The following CD81 variants were observed in gnomAD, a reference collection of about 807,000 sequenced individuals.
The protein encoded by CD81 is CD81 antigen.
CD81 carries 10 observed loss-of-function variants against 30.1 expected under a neutral mutation model. That is an observed-to-expected ratio of 0.33 (90% CI 0.21 to 0.56). CD81 has a LOEUF of 0.56. CD81 is among the 20% of genes least tolerant of loss of function. The pLI is 0.89. For synonymous variants in CD81, 147 were observed against 126.4 expected (o/e 1.16, Z -1.10); for missense variants, 263 against 308.7 (o/e 0.85, Z 1.11).
chr11:2,386,026 C>G (rs770041914), intron 1 of CD81: 1 of 716,778 alleles, frequency 1.4e-6, no homozygotes, highest in South Asian at 1.5e-5. Context: ...TTTTACAGCC[C>G]CCGTTGTATG....
intron 1 of CD81, chr11:2,385,551 T>C (rs1202513800): frequency 1.1e-5 from 3 of 261,086 alleles, no homozygotes; most frequent in African/African-American, 4.9e-5. Flanking sequence ...CTGTGTGGCA[T>C]GCCTGTCTGT....
At chr11:2,383,137 G>GA (rs1020730739) in intron 1 of CD81, among the ~76,000 whole-genome samples, 1 of 152,226 alleles carries the variant, frequency 6.6e-6, no homozygotes, top group Non-Finnish European at 1.5e-5. Flanking sequence ...TTTAGATGCT[G>GA]AGACAGGCGG....
At chr11:2,388,533 C>G (rs1322176064) in intron 1 of CD81, among the ~76,000 whole-genome samples, 2 of 152,226 alleles carry the variant, frequency 1.3e-5, no homozygotes, top group Non-Finnish European at 2.9e-5. Flanking sequence ...GTCCAGCCCT[C>G]AGTTTCTCTT....
intron 1 of CD81, among the ~76,000 whole-genome samples, chr11:2,389,016 G>C (rs1428494983): frequency 1.3e-5 from 2 of 152,160 alleles, no homozygotes; most frequent in Non-Finnish European, 2.9e-5. Context: ...GGAGCAGCAG[G>C]GGGTAAAGCC....
chr11:2,383,669 G>GGCCCTGCCTGGTGGAC (rs1409125287), intron 1 of CD81, among the ~76,000 whole-genome samples: 3 of 152,162 alleles, frequency 2.0e-5, no homozygotes, highest in Non-Finnish European at 4.4e-5. Flanking sequence ...CCCGCAGCGT[G>GGCCCTGCCTGGTGGAC]GCCCTGCCTG....
chr11:2,396,953 A>G lies in CD81; in HGVS notation c.*87A>G, dbSNP rs1239350293. On this transcript the variant is annotated 3_prime_UTR_variant, in exon 8 of 8. Transcript: ENST00000263645. ...GAGGGGGCCATCACCGCCTGTGTATATAACGTTTCCGGTATTACTCTGCTA... is the reference window on the plus strand; with the variant it reads ...GAGGGGGCCATCACCGCCTGTGTATGTAACGTTTCCGGTATTACTCTGCTA... The G allele has an allele frequency of 6.3e-6, 8 of 1,269,596 alleles. No individual in the cohort carries two copies. The highest frequency in any genetic ancestry group is 7.9e-6 in the Non-Finnish European group (7 of 880,712). 78.6% of individuals were successfully genotyped at this position (1,269,596 alleles called of 1,614,324 possible).
At chr11:2,384,905 C>G (rs1849763954) in intron 1 of CD81, among the ~76,000 whole-genome samples, 1 of 152,148 alleles carries the variant, frequency 6.6e-6, no homozygotes, top group African/African-American at 2.4e-5. Context: ...GTGAAAGGCA[C>G]TCAGCAGCCA....
At chr11:2,393,387 A>C in intron 2 of CD81, 1 of 156,202 alleles carries the variant, frequency 6.4e-6, no homozygotes, top group African/African-American at 2.4e-5. Flanking sequence ...AGCGTGGGGG[A>C]GTTCGGGAGG....
At chr11:2,385,988 C>A in intron 1 of CD81, 1 of 707,126 alleles carries the variant, frequency 1.4e-6, no homozygotes, top group South Asian at 1.5e-5. Flanking sequence ...ACATAACTGC[C>A]AAACTGTTAT....
At chr11:2,393,929 C>T (rs912791937) in intron 2 of CD81, 166 bp from the exon 3 acceptor site, 2 of 706,952 alleles carry the variant, frequency 2.8e-6, no homozygotes, top group Non-Finnish European at 5.2e-6. Flanking sequence ...GAAAACTCAC[C>T]AGGCCAGGCT....
intron 1 of CD81, among the ~76,000 whole-genome samples, chr11:2,388,265 C>T (rs2133452328): frequency 6.6e-6 from 1 of 152,306 alleles, no homozygotes; most frequent in South Asian, 2.1e-4. Context: ...GGAGGGGAGA[C>T]AGGAGTGTGA....
At chr11:2,380,860 C>T (rs72845786) in intron 1 of CD81, among the ~76,000 whole-genome samples, 4 of 152,192 alleles carry the variant, frequency 2.6e-5, no homozygotes, top group African/African-American at 4.8e-5. Flanking sequence ...CGGTGTCCCC[C>T]GCCTGGGACT....
chr11:2,382,768 CAG>C (rs1025569876), intron 1 of CD81, among the ~76,000 whole-genome samples: 2 of 152,232 alleles, frequency 1.3e-5, no homozygotes, highest in African/African-American at 2.4e-5. Context: ...GTAGGTAAAA[CAG>C]ATGACAGGGC....
chr11:2,389,673 G>A (rs1020761213), intron 1 of CD81, among the ~76,000 whole-genome samples: 5 of 152,232 alleles, frequency 3.3e-5, no homozygotes, highest in East Asian at 1.9e-4. Flanking sequence ...CGGCTTCTGC[G>A]CGCCCCTTCC....
chr11:2,386,001 A>C, intron 1 of CD81: 1 of 710,318 alleles, frequency 1.4e-6, no homozygotes, highest in Non-Finnish European at 2.6e-6. Flanking sequence ...ACTGTTATTC[A>C]AGGTGGCTGG....
chr11:2,394,097 A>G lies in CD81; in HGVS notation c.184A>G (p.Ile62Val). Residue 62 changes from isoleucine (I) to valine (V), a missense_variant and splice_region_variant, in exon 3 of 8, where the codon ATC becomes GTC. Physicochemically the swap from Ile to Val is conservative, Grantham distance 29 (BLOSUM62 3). Around this residue, in one of 3 missense-constraint regions of CD81, gnomAD observed 84 missense variants for 98.2 expected, o/e 0.86. Coordinates refer to ENST00000263645, the MANE Select transcript of CD81 (RefSeq NM_004356.4). ...KPAPNTFYVG[I>V]YILIAVGAVM... The stretch of plus-strand genomic sequence containing the variant: ...CCTGGTGTCTCTCTCCCCGCAAGGC[A>G]TCTACATCCTCATCGCTGTGGGCGC... 6.2e-7 allele frequency: 1 copy of G among 1,612,324 alleles called. No individual in the cohort carries two copies. Among genetic ancestry groups the G allele is most frequent in the Non-Finnish European group, 8.5e-7 (1 of 1,179,122 alleles).
intron 2 of CD81, 167 bp from the exon 3 acceptor site, chr11:2,393,928 C>A (rs759731303): frequency 1.5e-4 from 106 of 706,508 alleles, no homozygotes; most frequent in Non-Finnish European, 1.7e-4. Flanking sequence ...AGAAAACTCA[C>A]CAGGCCAGGC....
At chr11:2,394,328 C>T in intron 3 of CD81, 136 bp downstream of exon 3, 1 of 626,748 alleles carries the variant, frequency 1.6e-6, no homozygotes, top group Non-Finnish European at 2.8e-6. Context: ...CCCTGCTTTT[C>T]CCGTTTGGTT....
chr11:2,396,705 T>C lies in CD81; in HGVS notation c.639T>C (p.Ala213=), dbSNP rs2229751. The change falls in exon 7 of 8, where the codon GCT becomes GCC. Residue 213 remains alanine (A), a synonymous_variant. Transcript: ENST00000263645. ...TCGGCATTGCTGCCATCGTGGTCGCTGTGATCATGGTGAGCGGGCGGGGGC... is the reference window on the plus strand; with the variant it reads ...TCGGCATTGCTGCCATCGTGGTCGCCGTGATCATGGTGAGCGGGCGGGGGC... ...YLIGIAAIVV[A]VIMIFEMILS... is the part of the protein sequence containing the mutation. 0.028 allele frequency: 44,613 copies of C among 1,611,676 alleles called. 4,697 individuals carry two copies. The African/African-American group carries it at 0.34, about 12-fold the overall frequency.
Sources: gnomAD v4.1 joint callset for allele counts (sites outside exome capture counted in the v4.1 genomes callset) on GRCh38, gnomAD v4.1.1 for gene constraint, gnomAD v4.1.1 regional missense constraint, MANE v1.5 for transcripts, NCBI Gene and HGNC (gene_info 2026-07-23, HGNC 2026-07-21) for gene names.